Variants in RANBP17 observed in about 807,000 individuals in gnomAD.
RANBP17 encodes ran-binding protein 17.
A neutral mutation model predicts 141.2 loss-of-function variants in RANBP17; 158 were observed. That is an observed-to-expected ratio of 1.12 (90% CI 0.98 to 1.28). RANBP17 has a LOEUF of 1.28. RANBP17 is among the 50% of genes most tolerant of loss of function. The probability of loss-of-function intolerance (pLI) is 0.00; values close to 1 mark genes in which losing one functional copy is unlikely to be tolerated. For missense variants in RANBP17, 1,438 were observed against 1,290.7 expected (o/e 1.11, Z -1.75); for synonymous variants, 430 against 450.0 (o/e 0.96, Z 0.56).
chr5:171,283,802 G>A (rs1407377417), intron 25 of RANBP17, among the ~76,000 whole-genome samples: 1 of 151,590 alleles, frequency 6.6e-6, no homozygotes, highest in Non-Finnish European at 1.5e-5. Flanking sequence ...CCATTCAAAA[G>A]AAAGAGACTG....
chr5:171,265,334 T>G (rs1766600488), intron 24 of RANBP17, among the ~76,000 whole-genome samples: 1 of 152,102 alleles, frequency 6.6e-6, no homozygotes, highest in African/African-American at 2.4e-5. Context: ...CAGGAGTTTG[T>G]GATCAGCCTG....
chr5:171,034,230 C>T (rs991711492), intron 14 of RANBP17, among the ~76,000 whole-genome samples: 2 of 152,152 alleles, frequency 1.3e-5, no homozygotes, highest in Non-Finnish European at 2.9e-5. Flanking sequence ...GCAATAGTAA[C>T]CTCTTGTTAA....
At chr5:171,137,806 T>G (rs774560242) in intron 14 of RANBP17, among the ~76,000 whole-genome samples, 2 of 152,126 alleles carry the variant, frequency 1.3e-5, no homozygotes, top group African/African-American at 4.8e-5. Flanking sequence ...AATTTTATAT[T>G]ATAACTGGTC....
intron 14 of RANBP17, among the ~76,000 whole-genome samples, chr5:171,166,525 T>C (rs376851980): frequency 6.6e-5 from 10 of 152,264 alleles, no homozygotes; most frequent in African/African-American, 2.4e-4. Context: ...ATAAAAATTA[T>C]TTCGGTTGAA....
intron 14 of RANBP17, among the ~76,000 whole-genome samples, chr5:171,023,441 T>A (rs1781023433): frequency 6.6e-6 from 1 of 152,248 alleles, no homozygotes. Flanking sequence ...ACATGTGTGC[T>A]ATTTACACTT....
chr5:170,896,046 A>C lies in RANBP17; in HGVS notation c.424-4A>C. Reference sequence around the variant, plus strand: ...TAGGCTAAACTTTGTTATTTTCTCCAAAGGGTACTGTGGAACACTGCATAA... The same window carrying C: ...TAGGCTAAACTTTGTTATTTTCTCCCAAGGGTACTGTGGAACACTGCATAA... On this transcript the variant is annotated splice_region_variant and splice_polypyrimidine_tract_variant and intron_variant, in intron 4 of 27. Transcript: ENST00000523189. The C allele has an allele frequency of 6.3e-7, 1 of 1,581,584 alleles. No individual in the cohort carries two copies. The highest frequency in any genetic ancestry group is 2.3e-5 in the East Asian group (1 of 43,390).
chr5:171,203,639 C>A (rs1204343965), intron 19 of RANBP17, among the ~76,000 whole-genome samples: 1 of 151,896 alleles, frequency 6.6e-6, no homozygotes, highest in Non-Finnish European at 1.5e-5. Flanking sequence ...TAGACCACTT[C>A]TATTAATTTG....
chr5:171,241,066 A>G lies in RANBP17; in HGVS notation c.2561A>G (p.Tyr854Cys), dbSNP rs376149147. The G allele has an allele frequency of 9.9e-6, 16 of 1,613,788 alleles. No individual in the cohort carries two copies. In the African/African-American group the frequency reaches 2.1e-4, roughly 22 times the overall value. ...GTCAGCTTTGGCGTCTTCAAGTTGT[A>G]TGGGGACAACCATTTTGACAATGTA... ...NYVSFGVFKL[Y>C]GDNHFDNVLQ... Residue 854 changes from tyrosine (Y) to cysteine (C), a missense_variant, in exon 23 of 28, where the codon TAT (tyrosine) becomes TGT (cysteine). Coordinates refer to ENST00000523189, the MANE Select transcript of RANBP17 (RefSeq NM_022897.5).
intron 14 of RANBP17, among the ~76,000 whole-genome samples, chr5:171,080,680 T>A (rs558733348): frequency 1.3e-5 from 2 of 152,156 alleles, no homozygotes; most frequent in Non-Finnish European, 2.9e-5. Context: ...GACGTTGGTG[T>A]TTTTTGCTGC....
chr5:171,105,925 G>GCCCTTGAGACCTTTGT (rs1754798510), intron 14 of RANBP17, among the ~76,000 whole-genome samples: 1 of 152,140 alleles, frequency 6.6e-6, no homozygotes, highest in South Asian at 2.1e-4. Flanking sequence ...TGTCAGAGAA[G>GCCCTTGAGACCTTTGT]CAGTCACCCC....
chr5:171,259,180 C>T (rs1561807809), intron 24 of RANBP17, among the ~76,000 whole-genome samples: 1 of 152,114 alleles, frequency 6.6e-6, no homozygotes. Context: ...TACCATCTTA[C>T]CCCTGTCAGA....
At chr5:171,132,707 G>A (rs1324010306) in intron 14 of RANBP17, among the ~76,000 whole-genome samples, 3 of 151,594 alleles carry the variant, frequency 2.0e-5, no homozygotes, top group Non-Finnish European at 4.4e-5. Context: ...GGGCAACAGA[G>A]CAAGACCCTA....
chr5:171,229,759 G>GAA (rs758827854), intron 22 of RANBP17, among the ~76,000 whole-genome samples: 11 of 88,330 alleles, frequency 1.2e-4, no homozygotes, highest in East Asian at 3.7e-4. Flanking sequence ...GATGCAAAAG[G>GAA]AAAAAAAAAA....
intron 14 of RANBP17, among the ~76,000 whole-genome samples, chr5:171,015,533 T>C (rs1232314747): frequency 3.3e-5 from 5 of 152,152 alleles, no homozygotes; most frequent in African/African-American, 1.2e-4. Context: ...TTCTAACTTT[T>C]TGAACATATG....
chr5:170,924,260 T>G, intron 11 of RANBP17, 97 bp from the exon 12 acceptor site: 1 of 821,772 alleles, frequency 1.2e-6, no homozygotes, highest in Non-Finnish European at 1.8e-6. Flanking sequence ...CTTTTATTCC[T>G]TTATTATAGA....
In RANBP17 at chr5:170,909,662, T is replaced by C. The variant is rs1771369734; in HGVS notation, c.491T>C (p.Val164Ala). ...LSELTQEMNLVDYSRPSAKHR... is the reference protein window; with the variant it reads ...LSELTQEMNLADYSRPSAKHR... ...CTAATTTCATCTTTATCTTTTTAGG[T>C]TGATTATTCTAGACCTTCAGCAAAA... Residue 164 changes from valine (V) to alanine (A), a missense_variant and splice_region_variant, in exon 6 of 28, where the codon GTT (valine) becomes GCT (alanine). Coordinates refer to ENST00000523189, the MANE Select transcript of RANBP17 (RefSeq NM_022897.5). 3 of 1,484,690 alleles carry C rather than the reference T, an allele frequency of 2.0e-6. No homozygotes were observed. Among genetic ancestry groups the C allele is most frequent in the Non-Finnish European group, 1.9e-6 (2 of 1,076,020 alleles). 92.0% of individuals were successfully genotyped at this position (1,484,690 alleles called of 1,614,324 possible).
In RANBP17 at chr5:171,299,369, A is replaced by C; in HGVS notation, c.*511A>C. The C allele has an allele frequency of 4.3e-6, 1 of 233,074 alleles. No homozygotes were observed. Among genetic ancestry groups the C allele is most frequent in the Non-Finnish European group, 8.5e-6 (1 of 117,694 alleles). 14.4% of individuals were successfully genotyped at this position (233,074 alleles called of 1,614,324 possible). On this transcript the variant is annotated 3_prime_UTR_variant, in exon 28 of 28. Coordinates refer to ENST00000523189, the MANE Select transcript of RANBP17 (RefSeq NM_022897.5). Reference sequence around the variant, plus strand: ...TAGAACGAGCCTGGAAGCACTACAGAGCATCCCACAGGACCACACGCAGGC... The same window carrying C: ...TAGAACGAGCCTGGAAGCACTACAGCGCATCCCACAGGACCACACGCAGGC...
At chr5:171,135,287 A>G (rs1757197550) in intron 14 of RANBP17, among the ~76,000 whole-genome samples, 1 of 151,774 alleles carries the variant, frequency 6.6e-6, no homozygotes, top group African/African-American at 2.4e-5. Context: ...CTCAAAAAAA[A>G]AAAAAAAAAA....
At chr5:170,947,921 A>C (rs1460657133) in intron 12 of RANBP17, among the ~76,000 whole-genome samples, 1 of 152,136 alleles carries the variant, frequency 6.6e-6, no homozygotes, top group Non-Finnish European at 1.5e-5. Flanking sequence ...ACTTTCACCA[A>C]ATTCTATTGG....
Sources: gnomAD v4.1 joint callset for allele counts (sites outside exome capture counted in the v4.1 genomes callset) on GRCh38, gnomAD v4.1.1 for gene constraint, MANE v1.5 for transcripts, NCBI Gene and HGNC (gene_info 2026-07-23, HGNC 2026-07-21) for gene names.